The following WDFY1 variants were observed in gnomAD, a reference collection of about 807,000 sequenced individuals.
WDFY1 encodes WD repeat and FYVE domain-containing protein 1.
In WDFY1, 32 loss-of-function variants were observed where a neutral mutation model predicts 56.4. The observed-to-expected ratio is 0.57, with a 90% CI of 0.43 to 0.76. The LOEUF (loss-of-function observed/expected upper bound fraction) is 0.76. WDFY1 is among the 30% of genes least tolerant of loss of function. The pLI is 0.00. For synonymous variants in WDFY1, 192 were observed against 197.3 expected (o/e 0.97, Z 0.23); for missense variants, 480 against 545.7 (o/e 0.88, Z 1.20).
chr2:223,900,258 C>T (rs904015711), intron 5 of WDFY1, among the ~76,000 whole-genome samples: 2 of 152,132 alleles, frequency 1.3e-5, no homozygotes, highest in Non-Finnish European at 2.9e-5. Flanking sequence ...GTAACAAAAA[C>T]GCTTATGTAG....
intron 8 of WDFY1, among the ~76,000 whole-genome samples, chr2:223,893,373 T>C (rs1429585283): frequency 1.4e-5 from 2 of 138,202 alleles, no homozygotes; most frequent in Non-Finnish European, 1.6e-5. Flanking sequence ...AAAAAAAAAA[T>C]TGAAAAATAA....
At chr2:223,884,801 A>G (rs1367950161) in intron 8 of WDFY1, 52 bp from the exon 9 acceptor site, 11 of 1,485,544 alleles carry the variant, frequency 7.4e-6, no homozygotes, top group Non-Finnish European at 1.0e-5. Flanking sequence ...ATTTACTCCC[A>G]TGTTTCAAAA....
intron 3 of WDFY1, among the ~76,000 whole-genome samples, chr2:223,908,640 A>C (rs1029437679): frequency 6.6e-6 from 1 of 151,746 alleles, no homozygotes; most frequent in African/African-American, 2.4e-5. Flanking sequence ...TTCTCAATGT[A>C]CCTGCTCTCT....
rs1553538013 is a variant in WDFY1 at position 223,929,189 on chromosome 2, G to GTTTTTTGT, written c.138-11180_138-11179insACAAAAAA. On this transcript the variant is annotated intron_variant, in intron 1 of 11. Coordinates refer to ENST00000233055, the MANE Select transcript of WDFY1 (RefSeq NM_020830.5). ...CTTTTTTTTTTTCTTTCTGTTTTTT[G>GTTTTTTGT]TTTTTTTTTTTTTTTGAGACAGAGT... is the stretch of plus-strand genomic sequence containing the variant. 6.9e-3 allele frequency among the ~76,000 whole-genome samples: 199 copies of GTTTTTTGT among 28,880 alleles called. 1 individual carries two copies. Among genetic ancestry groups the GTTTTTTGT allele is most frequent in the African/African-American group, 0.01 (173 of 16,938 alleles). 18.9% of individuals were successfully genotyped at this position (28,880 alleles called of 152,430 possible).
At chr2:223,943,113 G>A (rs1448638161) in intron 1 of WDFY1, among the ~76,000 whole-genome samples, 8 of 150,756 alleles carry the variant, frequency 5.3e-5, no homozygotes, top group Admixed American at 4.0e-4. Flanking sequence ...CCTGGGAGGC[G>A]GAGGTTGCAG....
At chr2:223,943,853 C>G (rs1377932212) in intron 1 of WDFY1, among the ~76,000 whole-genome samples, 1 of 152,236 alleles carries the variant, frequency 6.6e-6, no homozygotes, top group African/African-American at 2.4e-5. Context: ...TACACCTCCA[C>G]CAGCCTCGGC....
intron 1 of WDFY1, among the ~76,000 whole-genome samples, chr2:223,936,612 T>A (rs1250130949): frequency 2.0e-5 from 3 of 152,188 alleles, no homozygotes; most frequent in Non-Finnish European, 4.4e-5. Context: ...GCTGCTGCTG[T>A]CCTTAGAAAG....
intron 6 of WDFY1, among the ~76,000 whole-genome samples, chr2:223,898,054 C>T (rs1423286040): frequency 6.6e-6 from 1 of 152,128 alleles, no homozygotes; most frequent in Admixed American, 6.6e-5. Flanking sequence ...AAGAATGGCC[C>T]AATACAGCAT....
intron 1 of WDFY1, among the ~76,000 whole-genome samples, chr2:223,933,784 C>G (rs922826521): frequency 5.1e-5 from 6 of 117,346 alleles, no homozygotes; most frequent in Admixed American, 9.4e-5. Flanking sequence ...TAGTGAGACC[C>G]CCCCCCATCT....
At chr2:223,884,859 C>CTTTT (rs1553535378) in intron 8 of WDFY1, 110 bp from the exon 9 acceptor site, 11 of 689,660 alleles carry the variant, frequency 1.6e-5, no homozygotes, top group South Asian at 4.1e-5. Context: ...TTCTTTTCTT[C>CTTTT]TTTTTTTTTT....
At chr2:223,895,670 G>C in intron 6 of WDFY1, 40 bp from the exon 7 acceptor site, 1 of 1,608,730 alleles carries the variant, frequency 6.2e-7, no homozygotes, top group East Asian at 2.2e-5. Context: ...GGAGGCAGGG[G>C]AGAAGTAAAA....
intron 3 of WDFY1, among the ~76,000 whole-genome samples, chr2:223,909,225 G>T (rs1693648635): frequency 6.6e-6 from 1 of 152,142 alleles, no homozygotes; most frequent in African/African-American, 2.4e-5. Context: ...ATAGAGCCGG[G>T]GAATCTGTAT....
At chr2:223,919,253 C>T (rs1693849617) in intron 1 of WDFY1, among the ~76,000 whole-genome samples, 2 of 152,206 alleles carry the variant, frequency 1.3e-5, no homozygotes, top group African/African-American at 2.4e-5. Flanking sequence ...CTCTGTCACC[C>T]AGGTTGGAGC....
chr2:223,897,087 T>C (rs1693393701), intron 6 of WDFY1, among the ~76,000 whole-genome samples: 1 of 152,168 alleles, frequency 6.6e-6, no homozygotes, highest in African/African-American at 2.4e-5. Flanking sequence ...TGATTTGATA[T>C]ACTCCATTTC....
intron 8 of WDFY1, among the ~76,000 whole-genome samples, chr2:223,892,125 C>T (rs1252143010): frequency 6.6e-6 from 1 of 152,098 alleles, no homozygotes; most frequent in Non-Finnish European, 1.5e-5. Flanking sequence ...TAGGCACCTG[C>T]CACCATGCCT....
At chr2:223,911,141 A>G (rs1484760035) in intron 3 of WDFY1, among the ~76,000 whole-genome samples, 1 of 152,238 alleles carries the variant, frequency 6.6e-6, no homozygotes, top group African/African-American at 2.4e-5. Flanking sequence ...AGACAGACAT[A>G]AAAGGCCACA....
rs555878695 is a variant in WDFY1, at chr2:223,880,237, C to T, written c.1065-5G>A. 1 of 1,613,440 alleles carries T rather than the reference C, an allele frequency of 6.2e-7. No homozygotes were observed. Among genetic ancestry groups the T allele is most frequent in the African/African-American group, 1.3e-5 (1 of 74,992 alleles). On this transcript the variant is annotated splice_region_variant and splice_polypyrimidine_tract_variant and intron_variant, in intron 10 of 11. Coordinates refer to ENST00000233055, the MANE Select transcript of WDFY1 (RefSeq NM_020830.5). ...AAGGTCGCTAGAGAAGTCCGACTAA[C>T]AAGAGAAAAGAGATCACTGAAAATT...
chr2:223,894,089 G>T, intron 8 of WDFY1, 145 bp downstream of exon 8: 3 of 703,788 alleles, frequency 4.3e-6, no homozygotes, highest in Non-Finnish European at 7.2e-6. Context: ...AAAGGACCTT[G>T]TCAGAAATAA....
chr2:223,902,155 C>G (rs1041993202), intron 4 of WDFY1, among the ~76,000 whole-genome samples: 2 of 152,226 alleles, frequency 1.3e-5, no homozygotes, highest in African/African-American at 4.8e-5. Flanking sequence ...AACTGAGGGA[C>G]TCTCCCCAAA....
Sources: gnomAD v4.1 joint callset for allele counts (sites outside exome capture counted in the v4.1 genomes callset) on GRCh38, gnomAD v4.1.1 for gene constraint, MANE v1.5 for transcripts, NCBI Gene and HGNC (gene_info 2026-07-23, HGNC 2026-07-21) for gene names.